RYR1: variants seen among roughly 807,000 people sequenced by gnomAD.
The protein encoded by RYR1 is central core disease of muscle.
A neutral mutation model predicts 583.5 loss-of-function variants in RYR1; 342 were observed. That is an observed-to-expected ratio of 0.59 (90% CI 0.54 to 0.64). The LOEUF (loss-of-function observed/expected upper bound fraction) is 0.64. Among genes scored for constraint, RYR1 ranks in the 30% least tolerant of loss-of-function variants. The probability of loss-of-function intolerance (pLI) is 0.00; values close to 1 mark genes in which losing one functional copy is unlikely to be tolerated. For synonymous variants in RYR1, 2,791 were observed against 2,822.5 expected, an observed-to-expected ratio of 0.99 and a Z score of 0.35; for missense variants, 6,032 against 6,917.2, an observed-to-expected ratio of 0.87 and a Z score of 4.54.
At chr19:38,490,412 C>A (rs1969501521) in intron 36 of RYR1, 136 bp downstream of exon 36, 3 of 939,432 alleles carry the variant, frequency 3.2e-6, no homozygotes, top group Non-Finnish European at 5.0e-6. Flanking sequence ...TTATCTCCTA[C>A]TCTCTGAATC....
chr19:38,480,017 G>C (rs1233539474), intron 31 of RYR1, among the ~76,000 whole-genome samples: 2 of 151,926 alleles, frequency 1.3e-5, no homozygotes, highest in African/African-American at 4.8e-5. Flanking sequence ...ACTGCTCCTG[G>C]CTAAAGCTTT....
intron 37 of RYR1, 134 bp from the exon 38 acceptor site, chr19:38,492,356 G>C (rs1162865621): frequency 6.8e-6 from 6 of 882,690 alleles, no homozygotes; most frequent in Non-Finnish European, 1.0e-5. Flanking sequence ...ACAAGACACT[G>C]TCTCAAAAAA....
In RYR1 at chr19:38,499,286, A is replaced by C; in HGVS notation, c.7027+43A>C. The C allele has an allele frequency of 2.5e-6, 4 of 1,613,854 alleles. No homozygotes were observed. Among genetic ancestry groups the C allele is most frequent in the Non-Finnish European group, 3.4e-6 (4 of 1,179,864 alleles). On this transcript the variant is annotated intron_variant, in intron 43 of 105. Coordinates refer to ENST00000359596, the MANE Select transcript of RYR1 (RefSeq NM_000540.3). The surrounding 1 kb of genome is among the most constrained non-coding windows in gnomAD (Gnocchi z 7.3). ...GTGGCAGAGCGGGAAGTATGGAGTC[A>C]CTGGTCACACACCTCCCTCGAGATG...
Position 38,496,138 on chromosome 19 carries a change from A to G in RYR1, c.6549-77A>G, listed in dbSNP as rs968658874. 33 of 1,187,384 alleles carry G rather than the reference A, an allele frequency of 2.8e-5. No homozygotes were observed. The East Asian group carries it at 6.5e-4, about 24-fold the overall frequency. 73.6% of individuals were successfully genotyped at this position (1,187,384 alleles called of 1,614,324 possible). A position where few individuals can be genotyped will look rare whatever the true frequency, so the allele number is the denominator to read the frequency against. ...ACAGAGTGAGAGGGTCAAGAATGCC[A>G]ACGCTGTCACAGTGGTGGCTATGGC... On this transcript the variant is annotated intron_variant, in intron 39 of 105. Coordinates refer to ENST00000359596, the MANE Select transcript of RYR1 (RefSeq NM_000540.3). This position sits in a 1 kb window ranked among gnomAD's most constrained non-coding sequence, Gnocchi z 4.8.
rs201358408 is a variant in RYR1, at chr19:38,525,368, C to T, written c.10492C>T (p.Arg3498Cys). The T allele has an allele frequency of 1.1e-5, 17 of 1,613,946 alleles. No homozygotes were observed. Among genetic ancestry groups the T allele is most frequent in the Non-Finnish European group, 1.2e-5 (14 of 1,179,988 alleles). The change falls in exon 71 of 106, where the codon CGC (arginine) becomes TGC (cysteine). Residue 3498 changes from arginine to cysteine, a missense_variant. Arg to Cys is a radical substitution (Grantham distance 180). Transcript: ENST00000359596. ...GSDQERTKKK[R>C]RGDRYSVQTS... The stretch of plus-strand genomic sequence containing the variant: ...GGACCAGGAACGCACCAAGAAGAAG[C>T]GCCGGGGGGACCGGTACTCTGTGCA...
chr19:38,506,761 G>A (rs1460778114), intron 56 of RYR1, 68 bp from the exon 57 acceptor site: 13 of 1,611,298 alleles, frequency 8.1e-6, no homozygotes, highest in African/African-American at 5.3e-5. Context: ...GGGCACTGCA[G>A]GAACCACTTC....
chr19:38,528,523 G>A, intron 74 of RYR1, 76 bp from the exon 75 acceptor site: 2 of 1,595,154 alleles, frequency 1.3e-6, no homozygotes, highest in East Asian at 2.2e-5. Context: ...AGGGTGGTTG[G>A]GGGCTGCAGG....
At chr19:38,509,113 G>A (rs1323825474) in intron 58 of RYR1, among the ~76,000 whole-genome samples, 1 of 151,884 alleles carries the variant, frequency 6.6e-6, no homozygotes, top group Non-Finnish European at 1.5e-5. Context: ...CAGGTGAGTG[G>A]CAGAGCAGGA....
intron 67 of RYR1, among the ~76,000 whole-genome samples, chr19:38,520,693 CAAAAAAA>C (rs71165555): frequency 6.4e-5 from 3 of 46,884 alleles, no homozygotes; most frequent in Admixed American, 2.9e-4. Flanking sequence ...GGCTCCACCT[CAAAAAAA>C]AAAAAAAAAA....
chr19:38,466,427 G>C (rs149216348), intron 24 of RYR1, 29 bp downstream of exon 24: 2 of 1,537,934 alleles, frequency 1.3e-6, no homozygotes, highest in Non-Finnish European at 1.7e-6. Flanking sequence ...CCCTGGCCCT[G>C]ACTCCTACCC....
intron 76 of RYR1, among the ~76,000 whole-genome samples, chr19:38,529,408 A>G (rs1042433642): frequency 6.6e-6 from 1 of 152,032 alleles, no homozygotes; most frequent in African/African-American, 2.4e-5. Flanking sequence ...TGAACCTGGG[A>G]GGCGGAGGTT....
At chr19:38,569,991 C>A (rs1973639268) in intron 93 of RYR1, among the ~76,000 whole-genome samples, 1 of 151,980 alleles carries the variant, frequency 6.6e-6, no homozygotes, top group Admixed American at 6.6e-5. Flanking sequence ...TGGTGAGACC[C>A]CGTCTCTACT....
At chr19:38,542,218 A>T (rs987505771) in intron 84 of RYR1, among the ~76,000 whole-genome samples, 1 of 151,876 alleles carries the variant, frequency 6.6e-6, no homozygotes, top group African/African-American at 2.4e-5. Context: ...TCTCGTGAGG[A>T]TGTAGTATAC....
intron 49 of RYR1, 97 bp downstream of exon 49, chr19:38,503,067 A>C (rs1970271333): frequency 8.3e-7 from 1 of 1,204,784 alleles, no homozygotes; most frequent in African/African-American, 1.5e-5. Context: ...GGCACTGCCC[A>C]GCCCAATAAA....
intron 93 of RYR1, among the ~76,000 whole-genome samples, chr19:38,568,478 G>A (rs894510153): frequency 2.0e-5 from 3 of 151,258 alleles, no homozygotes; most frequent in African/African-American, 7.3e-5. Flanking sequence ...GGTCACACCT[G>A]TAATCCCAGC....
At chr19:38,439,706 C>T (rs1240148299) in intron 1 of RYR1, among the ~76,000 whole-genome samples, 2 of 151,950 alleles carry the variant, frequency 1.3e-5, no homozygotes, top group Non-Finnish European at 2.9e-5. Flanking sequence ...TGGGGTTTCA[C>T]CATGTTGGCC....
At chr19:38,539,238 C>CTTTTTTTTT (rs766181329) in intron 84 of RYR1, among the ~76,000 whole-genome samples, 1 of 118,712 alleles carries the variant, frequency 8.4e-6, no homozygotes, top group Non-Finnish European at 1.8e-5. Flanking sequence ...AAGATTTTTT[C>CTTTTTTTTT]TTTTTTTTTT....
chr19:38,489,397 A>T lies in RYR1; in HGVS notation c.5768A>T (p.Glu1923Val). ...GAAGGGGAGAAAGAAGAAGGCTTGG[A>T]GGAAGGGCTGCTCCAGATGAAGTTG... ...AAEGEKEEGL[E>V]EGLLQMKLPE... Residue 1923 changes from glutamate (E) to valine (V), a missense_variant, in exon 35 of 106, where the codon GAG becomes GTG. Around this residue, in one of 11 missense-constraint regions of RYR1, gnomAD observed 2,627 missense variants for 2,961.3 expected, o/e 0.89. Coordinates refer to ENST00000359596, the MANE Select transcript of RYR1 (RefSeq NM_000540.3). 1 of 1,614,046 alleles carries T rather than the reference A, an allele frequency of 6.2e-7. No homozygotes were observed. Among genetic ancestry groups the T allele is most frequent in the East Asian group, 2.2e-5 (1 of 44,888 alleles).
At chr19:38,553,979 A>G (rs541893365) in intron 89 of RYR1, among the ~76,000 whole-genome samples, 3 of 152,308 alleles carry the variant, frequency 2.0e-5, no homozygotes, top group Non-Finnish European at 2.9e-5. Context: ...GTTGATGGAC[A>G]CTGGCTTTAT....
Sources: gnomAD v4.1 joint callset for allele counts (sites outside exome capture counted in the v4.1 genomes callset) on GRCh38, gnomAD v4.1.1 for gene constraint, gnomAD v4.1.1 regional missense constraint, Gnocchi (gnomAD v3.1) non-coding constraint, MANE v1.5 for transcripts, NCBI Gene and HGNC (gene_info 2026-07-23, HGNC 2026-07-21) for gene names.